L2HGDH: variants seen among roughly 807,000 people sequenced by gnomAD.
L2HGDH encodes the protein L-2-hydroxyglutarate dehydrogenase.
A neutral mutation model predicts 51.5 loss-of-function variants in L2HGDH; 34 were observed. The observed-to-expected ratio is 0.66, with a 90% CI of 0.50 to 0.88. L2HGDH has a LOEUF of 0.88. Among genes scored for constraint, L2HGDH ranks in the 40% least tolerant of loss-of-function variants. The pLI, the probability that L2HGDH is intolerant of heterozygous loss-of-function variation, is 0.00. For synonymous variants in L2HGDH, 198 were observed against 197.9 expected, an observed-to-expected ratio of 1.00 and a Z score of -0.01; for missense variants, 558 against 571.9, an observed-to-expected ratio of 0.98 and a Z score of 0.25.
At chr14:50,269,383 A>C in intron 6 of L2HGDH, 53 bp from the exon 7 acceptor site, 3 of 1,534,812 alleles carry the variant, frequency 2.0e-6, no homozygotes, top group Non-Finnish European at 2.7e-6. Flanking sequence ...AGAATAGGTC[A>C]AGAGGGGAAA....
chr14:50,311,482 A>G (rs1229523190), intron 1 of L2HGDH: 2 of 456,106 alleles, frequency 4.4e-6, no homozygotes, highest in African/African-American at 2.0e-5. Context: ...CGTCCAAACT[A>G]TAAATCACAG....
At chr14:50,267,979 A>G (rs1360324581) in intron 7 of L2HGDH, 69 bp from the exon 8 acceptor site, 21 of 1,412,830 alleles carry the variant, frequency 1.5e-5, no homozygotes, top group Non-Finnish European at 1.9e-5. Flanking sequence ...CAAACATTCA[A>G]TTGGTAACAT....
intron 8 of L2HGDH, among the ~76,000 whole-genome samples, chr14:50,267,145 T>TTTTA (rs149075578): frequency 0.03 from 4,235 of 143,414 alleles, 75 homozygotes; most frequent in East Asian, 0.069. Flanking sequence ...TTCTTTTTAT[T>TTTTA]TTTATTTATT....
chr14:50,271,832 CT>C (rs1024139222), intron 6 of L2HGDH, among the ~76,000 whole-genome samples: 4 of 151,940 alleles, frequency 2.6e-5, no homozygotes, highest in African/African-American at 9.7e-5. Context: ...CAAATCCTAC[CT>C]GCAAAAATTT....
chr14:50,293,555 A>C (rs2029875715), intron 4 of L2HGDH, among the ~76,000 whole-genome samples: 3 of 152,180 alleles, frequency 2.0e-5, no homozygotes, highest in Admixed American at 1.3e-4. Context: ...ATAAATTGAT[A>C]ACATTAAGAA....
intron 9 of L2HGDH, among the ~76,000 whole-genome samples, chr14:50,256,581 T>C (rs1189846748): frequency 6.6e-6 from 1 of 152,098 alleles, no homozygotes; most frequent in Non-Finnish European, 1.5e-5. Flanking sequence ...TCCAACCTGA[T>C]AATCTGTCTT....
chr14:50,280,778 T>A (rs1890224409), intron 5 of L2HGDH, among the ~76,000 whole-genome samples: 1 of 151,572 alleles, frequency 6.6e-6, no homozygotes, highest in East Asian at 1.9e-4. Context: ...CCTCCCAAAG[T>A]GCTCGGATTA....
chr14:50,311,773 G>A (rs2031212177), intron 1 of L2HGDH, among the ~76,000 whole-genome samples: 1 of 152,204 alleles, frequency 6.6e-6, no homozygotes, highest in South Asian at 2.1e-4. Flanking sequence ...TGGACGGGTT[G>A]TTCAAAGCCA....
At chr14:50,268,656 GA>G (rs762676974) in intron 7 of L2HGDH, among the ~76,000 whole-genome samples, 9 of 152,104 alleles carry the variant, frequency 5.9e-5, no homozygotes, top group Non-Finnish European at 1.3e-4. Flanking sequence ...TCAAATAGCC[GA>G]ATACTGACTA....
chr14:50,251,406 T>G (rs1566501435), intron 9 of L2HGDH, among the ~76,000 whole-genome samples: 1 of 151,654 alleles, frequency 6.6e-6, no homozygotes, highest in Non-Finnish European at 1.5e-5. Flanking sequence ...AATCTAAGAG[T>G]TATTGGCCTA....
chr14:50,297,534 A>C lies in L2HGDH; in HGVS notation c.409-3288T>G, dbSNP rs139542328. ...AATTCTCCTCACAAAAGCATCACAA[A>C]GAATAAACTACTGAGCACTACAGAC... On this transcript the variant is annotated intron_variant, in intron 3 of 9. Coordinates refer to ENST00000267436, the MANE Select transcript of L2HGDH (RefSeq NM_024884.3). Among the ~76,000 whole-genome samples the C allele has an allele frequency of 3.9e-3, 591 of 152,342 alleles. 7 individuals carry two copies. The highest frequency in any genetic ancestry group is 0.013 in the African/African-American group (556 of 41,576).
chr14:50,270,556 A>T (rs1046945674), intron 6 of L2HGDH, among the ~76,000 whole-genome samples: 2 of 151,942 alleles, frequency 1.3e-5, no homozygotes. Context: ...CCCAGGCTGG[A>T]GTGCAGTGGC....
chr14:50,266,057 G>T (rs1889313314), intron 8 of L2HGDH, among the ~76,000 whole-genome samples: 1 of 150,896 alleles, frequency 6.6e-6, no homozygotes, highest in Admixed American at 6.6e-5. Flanking sequence ...GAAGTGGGAG[G>T]CTCGCTTAAG....
At chr14:50,260,941 C>T (rs1036448824) in intron 9 of L2HGDH, among the ~76,000 whole-genome samples, 1 of 152,046 alleles carries the variant, frequency 6.6e-6, no homozygotes, top group Non-Finnish European at 1.5e-5. Flanking sequence ...CATGGTGAAA[C>T]CCCATCTCTA....
At chr14:50,304,562 G>T (rs766501886) in intron 1 of L2HGDH, among the ~76,000 whole-genome samples, 1 of 152,182 alleles carries the variant, frequency 6.6e-6, no homozygotes, top group Non-Finnish European at 1.5e-5. Flanking sequence ...AGGGCCGGGC[G>T]TGGTGGCTCA....
chr14:50,301,182 GC>G (rs2030388621), intron 3 of L2HGDH, among the ~76,000 whole-genome samples: 1 of 152,176 alleles, frequency 6.6e-6, no homozygotes, highest in African/African-American at 2.4e-5. Flanking sequence ...ATAGATGTTG[GC>G]AAGGACATGG....
chr14:50,302,259 G>C, intron 2 of L2HGDH, 91 bp from the exon 3 acceptor site: 1 of 1,331,462 alleles, frequency 7.5e-7, no homozygotes, highest in South Asian at 1.2e-5. Flanking sequence ...GAAGCTATTA[G>C]AGACCACATC....
chr14:50,256,098 T>C (rs1362719433), intron 9 of L2HGDH, among the ~76,000 whole-genome samples: 1 of 152,144 alleles, frequency 6.6e-6, no homozygotes, highest in Non-Finnish European at 1.5e-5. Flanking sequence ...ATTATTGTCA[T>C]ATGTCAAGCA....
intron 9 of L2HGDH, among the ~76,000 whole-genome samples, chr14:50,253,937 C>T (rs1237494069): frequency 5.3e-5 from 8 of 152,072 alleles, no homozygotes; most frequent in Admixed American, 5.2e-4. Flanking sequence ...AGACAAATAT[C>T]ATCCGTTCAT....
Sources: gnomAD v4.1 joint callset for allele counts (sites outside exome capture counted in the v4.1 genomes callset) on GRCh38, gnomAD v4.1.1 for gene constraint, MANE v1.5 for transcripts, NCBI Gene and HGNC (gene_info 2026-07-23, HGNC 2026-07-21) for gene names.